The following IPO5 variants were observed in gnomAD, a reference collection of about 807,000 sequenced individuals.
IPO5 encodes importin-5.
Under a neutral mutation model 143.3 loss-of-function variants are expected in IPO5, and 18 were observed. The ratio of observed to expected loss-of-function variants is 0.13; its 90% confidence interval spans 0.09 to 0.19. The LOEUF is 0.19. Among genes scored for constraint, IPO5 ranks in the 10% least tolerant of loss-of-function variants. The pLI, the probability that IPO5 is intolerant of heterozygous loss-of-function variation, is 1.00. For synonymous variants in IPO5, 477 were observed against 465.7 expected (o/e 1.02, Z -0.31); for missense variants, 1,013 against 1,336.9 (o/e 0.76, Z 3.78).
intron 2 of IPO5, among the ~76,000 whole-genome samples, chr13:97,966,133 CAAAAAAAAAA>C (rs34256210): frequency 2.2e-5 from 2 of 89,290 alleles, no homozygotes; most frequent in Admixed American, 1.3e-4. Context: ...GGCCCCCTCT[CAAAAAAAAAA>C]AAAAAAAAAA....
Position 98,002,916 on chromosome 13 carries a change from A to G in IPO5, c.1376A>G (p.Gln459Arg). The stretch of plus-strand genomic sequence containing the variant: ...GAAGACCAAGGCAATCAACGTGTGC[A>G]GGCCCATGCAGCTGCTGCCCTCATT... Reference protein sequence around the residue: ...TMEDQGNQRVQAHAAAALINF... With the variant: ...TMEDQGNQRVRAHAAAALINF... Residue 459 changes from glutamine (Q) to arginine (R), a missense_variant, in exon 16 of 29, where the codon CAG becomes CGG. Gln to Arg is a conservative substitution (Grantham distance 43). Transcript: ENST00000651721. 1 of 1,614,060 alleles carries G rather than the reference A, an allele frequency of 6.2e-7. No individual in the cohort carries two copies. Among genetic ancestry groups the G allele is most frequent in the Non-Finnish European group, 8.5e-7 (1 of 1,179,886 alleles).
chr13:97,959,176 A>C (rs979076214), intron 2 of IPO5, among the ~76,000 whole-genome samples: 2 of 151,870 alleles, frequency 1.3e-5, no homozygotes, highest in Non-Finnish European at 2.9e-5. Flanking sequence ...TGTCTCAAAA[A>C]AAAAAAAAGA....
intron 4 of IPO5, among the ~76,000 whole-genome samples, chr13:97,978,985 C>G (rs937062921): frequency 6.6e-6 from 1 of 152,148 alleles, no homozygotes; most frequent in South Asian, 2.1e-4. Context: ...TTTGTATATC[C>G]TGAGAATGTA....
intron 3 of IPO5, 37 bp from the exon 4 acceptor site, chr13:97,976,656 C>T (rs750214904): frequency 5.5e-6 from 6 of 1,093,880 alleles, no homozygotes; most frequent in Non-Finnish European, 7.4e-6. Flanking sequence ...CGCCTCACGG[C>T]TCCTGTCTCC....
rs1464264732 is a variant in IPO5, at chr13:98,023,856, C to T, written c.*2034C>T. On this transcript the variant is annotated 3_prime_UTR_variant, in exon 29 of 29. Transcript: ENST00000651721. ...GTTAGTGTGACATGATTCTGAAACC[C>T]AGAGCTCAGAACTAACTGTGAGATG... The T allele has an allele frequency of 6.6e-6, 1 of 152,126 alleles. No individual in the cohort carries two copies. Among genetic ancestry groups the T allele is most frequent in the Admixed American group, 6.6e-5 (1 of 15,262 alleles). 9.4% of individuals were successfully genotyped at this position (152,126 alleles called of 1,614,324 possible).
intron 25 of IPO5, among the ~76,000 whole-genome samples, chr13:98,017,361 C>T (rs1214334973): frequency 1.3e-5 from 2 of 151,644 alleles, no homozygotes; most frequent in Non-Finnish European, 2.9e-5. Context: ...AAGATGGAGT[C>T]TTGCTCTGTC....
At chr13:97,990,301 T>TTGA in intron 8 of IPO5, 79 bp downstream of exon 8, 1 of 1,191,258 alleles carries the variant, frequency 8.4e-7, no homozygotes. Flanking sequence ...TAGGAGGTTG[T>TTGA]TTTCACTTTT....
At chr13:98,008,846 A>G (rs1889477231) in intron 18 of IPO5, among the ~76,000 whole-genome samples, 1 of 152,240 alleles carries the variant, frequency 6.6e-6, no homozygotes, top group African/African-American at 2.4e-5. Flanking sequence ...AAGGCACTCA[A>G]TAAATAATTG....
In IPO5 at chr13:98,014,363, C is replaced by T. The variant is rs1889948063; in HGVS notation, c.2325+149C>T. The T allele has an allele frequency of 6.1e-5, 34 of 561,958 alleles. No homozygotes were observed. The South Asian group carries it at 6.4e-4, about 11-fold the overall frequency. 34.8% of individuals were successfully genotyped at this position (561,958 alleles called of 1,614,324 possible). On this transcript the variant is annotated intron_variant, in intron 22 of 28. Transcript: ENST00000651721. ...CGCAATCGCAGCTCACTGCAACCTC[C>T]ACCTCCTGGGTTCAAGCAATTCTCA... is the stretch of plus-strand genomic sequence containing the variant.
chr13:98,015,495 T>G (rs1280266815), intron 22 of IPO5, 35 bp from the exon 23 acceptor site: 1 of 1,279,738 alleles, frequency 7.8e-7, no homozygotes, highest in Non-Finnish European at 1.1e-6. Context: ...ACACCCCAAA[T>G]CTTATGGATT....
rs201114273 is a variant in IPO5, at chr13:98,015,524, C to G, written c.2326-6C>G. 5.8e-6 allele frequency: 9 copies of G among 1,544,674 alleles called. No individual in the cohort carries two copies. In the East Asian group the frequency reaches 2.0e-4, roughly 35 times the overall value. On this transcript the variant is annotated splice_polypyrimidine_tract_variant and splice_region_variant and intron_variant, in intron 22 of 28. Coordinates refer to ENST00000651721, the MANE Select transcript of IPO5 (RefSeq NM_002271.6). ...ATGGATTGCTTTCTTTCCTCAACCT[C>G]ATTAGTGCATTGAAGTAATGGGAGA... is the stretch of plus-strand genomic sequence containing the variant.
chr13:98,008,185 G>A (rs1279349908), intron 18 of IPO5, 43 bp downstream of exon 18: 4 of 1,133,070 alleles, frequency 3.5e-6, no homozygotes, highest in Non-Finnish European at 5.4e-6. Context: ...CTAATGAGTT[G>A]TGGACAGCAC....
intron 9 of IPO5, 137 bp from the exon 10 acceptor site, chr13:97,992,755 T>C: frequency 1.1e-6 from 1 of 876,152 alleles, no homozygotes; most frequent in Non-Finnish European, 1.7e-6. Context: ...AACATTTGCA[T>C]AATATAGATT....
intron 2 of IPO5, among the ~76,000 whole-genome samples, chr13:97,967,126 T>G (rs1885412886): frequency 6.6e-6 from 1 of 152,244 alleles, no homozygotes; most frequent in South Asian, 2.1e-4. Context: ...TGAATCACTT[T>G]TGATTTGCGT....
intron 12 of IPO5, among the ~76,000 whole-genome samples, chr13:97,999,247 T>G (rs1277235930): frequency 6.6e-6 from 1 of 152,212 alleles, no homozygotes; most frequent in Non-Finnish European, 1.5e-5. Context: ...TTAGAATATA[T>G]ATGCATTTTT....
At chr13:97,978,401 C>T (rs1313518120) in intron 4 of IPO5, among the ~76,000 whole-genome samples, 1 of 152,116 alleles carries the variant, frequency 6.6e-6, no homozygotes, top group Non-Finnish European at 1.5e-5. Flanking sequence ...ATGGATATTG[C>T]GGTTTCCAGT....
At position 98,020,994 on chromosome 13, in the gene IPO5, A is replaced by G; in HGVS notation, c.3068A>G (p.Asn1023Ser). 2 of 1,607,130 alleles carry G rather than the reference A, an allele frequency of 1.2e-6. No homozygotes were observed. The highest frequency in any genetic ancestry group is 1.7e-6 in the Non-Finnish European group (2 of 1,176,454). ...AAGGTTTTCTTCTCATTTGTCAGTA[A>G]TCATCCAATTGTTCTTGGCCCAAAC... Reference protein sequence around the residue: ...FNYLCDLIESNHPIVLGPNNT... With the variant: ...FNYLCDLIESSHPIVLGPNNT... The change falls in exon 28 of 29, where the codon AAT becomes AGT. Residue 1023 changes from asparagine to serine, a missense_variant and splice_region_variant. Coordinates refer to ENST00000651721, the MANE Select transcript of IPO5 (RefSeq NM_002271.6).
Position 97,969,841 on chromosome 13 carries a change from T to G in IPO5, c.-5+11T>G, listed in dbSNP as rs1319651585. 1 of 1,597,836 alleles carries G rather than the reference T, an allele frequency of 6.3e-7. No homozygotes were observed. Among genetic ancestry groups the G allele is most frequent in the African/African-American group, 1.3e-5 (1 of 74,218 alleles). On this transcript the variant is annotated intron_variant, in intron 3 of 28. Coordinates refer to ENST00000651721, the MANE Select transcript of IPO5 (RefSeq NM_002271.6). ...AGAAAACACAATAAGGTAACTGATT[T>G]CACCTGGGGAAAAGTCACTTCCTGT...
intron 21 of IPO5, 30 bp from the exon 22 acceptor site, chr13:98,014,012 C>CA (rs748514644): frequency 1.9e-6 from 3 of 1,580,900 alleles, no homozygotes; most frequent in Admixed American, 3.7e-5. Flanking sequence ...AAATAATAAA[C>CA]AGTCTTTTGA....
Sources: allele counts gnomAD v4.1 joint callset (sites outside exome capture counted in the v4.1 genomes callset), GRCh38; gene constraint gnomAD v4.1.1; transcripts MANE v1.5; gene names NCBI Gene and HGNC (gene_info 2026-07-23, HGNC 2026-07-21).